UTRN: variants seen among roughly 807,000 people sequenced by gnomAD.
UTRN encodes dystrophin-related protein 1.
In UTRN, 283 loss-of-function variants were observed where a neutral mutation model predicts 463.9. That is an observed-to-expected ratio of 0.61 (90% CI 0.55 to 0.67). The LOEUF (loss-of-function observed/expected upper bound fraction) is 0.67. Among genes scored for constraint, UTRN ranks in the 30% least tolerant of loss-of-function variants. The pLI is 0.00. For missense variants in UTRN, 3,922 were observed against 4,084.3 expected (o/e 0.96, Z 1.08); for synonymous variants, 1,442 against 1,431.5 (o/e 1.01, Z -0.17).
At chr6:144,759,380 A>C (rs1373589802) in intron 58 of UTRN, among the ~76,000 whole-genome samples, 1 of 152,168 alleles carries the variant, frequency 6.6e-6, no homozygotes, top group African/African-American at 2.4e-5. Context: ...TAATAGTAAT[A>C]GTATTAGAGA....
chr6:144,421,697 A>T (rs943696893), intron 3 of UTRN, among the ~76,000 whole-genome samples, 181 bp from the exon 4 acceptor site: 2 of 150,076 alleles, frequency 1.3e-5, no homozygotes, highest in African/African-American at 5.0e-5. Flanking sequence ...TAAAAAAAAA[A>T]TTAATTAATT....
At chr6:144,755,995 A>C (rs2128725382) in intron 57 of UTRN, among the ~76,000 whole-genome samples, 1 of 151,370 alleles carries the variant, frequency 6.6e-6, no homozygotes, top group East Asian at 1.9e-4. Context: ...CCCTACCTCA[A>C]CTCCATACAG....
At chr6:144,529,730 A>G (rs747386793) in intron 41 of UTRN, among the ~76,000 whole-genome samples, 1 of 152,230 alleles carries the variant, frequency 6.6e-6, no homozygotes. Context: ...AGTAATTTTC[A>G]TGGAGAAAGA....
At chr6:144,691,809 C>T (rs1231910188) in intron 52 of UTRN, among the ~76,000 whole-genome samples, 2 of 151,956 alleles carry the variant, frequency 1.3e-5, no homozygotes, top group Admixed American at 1.3e-4. Context: ...TTGTGATTTG[C>T]AATGATTTTC....
intron 37 of UTRN, among the ~76,000 whole-genome samples, 173 bp from the exon 38 acceptor site, chr6:144,516,056 G>A (rs533637604): frequency 2.0e-5 from 3 of 152,346 alleles, no homozygotes; most frequent in Non-Finnish European, 4.4e-5. Context: ...ATTCAGAGAA[G>A]TCTGAATTGG....
intron 46 of UTRN, among the ~76,000 whole-genome samples, chr6:144,544,177 G>T (rs995611715): frequency 6.6e-6 from 1 of 152,142 alleles, no homozygotes; most frequent in African/African-American, 2.4e-5. Flanking sequence ...ATTCGTCCTT[G>T]GGATAGGCCT....
chr6:144,754,698 A>C, intron 56 of UTRN, 22 bp from the exon 57 acceptor site: 1 of 1,607,780 alleles, frequency 6.2e-7, no homozygotes, highest in Non-Finnish European at 8.5e-7. Context: ...ATTTCCTCTG[A>C]CTTGCATGTG....
chr6:144,348,534 A>G (rs1351914502), intron 2 of UTRN, among the ~76,000 whole-genome samples: 1 of 152,238 alleles, frequency 6.6e-6, no homozygotes, highest in Non-Finnish European at 1.5e-5. Flanking sequence ...TAATAATTAT[A>G]GAGAAAATGA....
chr6:144,442,185 CT>C (rs1488938368), intron 13 of UTRN, among the ~76,000 whole-genome samples: 1 of 152,182 alleles, frequency 6.6e-6, no homozygotes, highest in Admixed American at 6.5e-5. Flanking sequence ...ATTTTCTTTT[CT>C]ATTGCATTGT....
rs1562479502 is a variant in UTRN, at chr6:144,490,926, CAG to C, written c.4264_4265del. ...AATTGCATATTTTCATTTCTGCAAA[CAG>C]AGGAAACTCCGAGAGGTGTCCACAA... On this transcript the variant is annotated splice_acceptor_variant, in intron 31 of 74. Coordinates refer to ENST00000367545, the MANE Select transcript of UTRN (RefSeq NM_007124.3). LOFTEE classifies it high-confidence loss of function. 6.3e-7 allele frequency: 1 copy of C among 1,580,180 alleles called. No individual in the cohort carries two copies. The highest frequency in any genetic ancestry group is 1.2e-5 in the South Asian group (1 of 86,952).
At chr6:144,677,981 G>C (rs570860157) in intron 51 of UTRN, among the ~76,000 whole-genome samples, 1 of 152,002 alleles carries the variant, frequency 6.6e-6, no homozygotes, top group Non-Finnish European at 1.5e-5. Context: ...TAAGTTCCTC[G>C]TAGATTCTGG....
intron 74 of UTRN, among the ~76,000 whole-genome samples, chr6:144,849,068 C>G (rs541118511): frequency 6.6e-6 from 1 of 151,950 alleles, no homozygotes; most frequent in East Asian, 1.9e-4. Flanking sequence ...CAGGTAGATG[C>G]AGATATTGAT....
At chr6:144,438,600 C>T in intron 11 of UTRN, 145 bp from the exon 12 acceptor site, 1 of 1,011,708 alleles carries the variant, frequency 9.9e-7, no homozygotes, top group Non-Finnish European at 1.4e-6. Context: ...ACTTTCCTGG[C>T]TTCTATATTT....
At position 144,548,742 on chromosome 6, in the gene UTRN, A is replaced by C; in HGVS notation, c.6698A>C (p.Lys2233Thr). Residue 2233 changes from lysine to threonine, a missense_variant, in exon 47 of 75, where the codon AAA becomes ACA. Coordinates refer to ENST00000367545, the MANE Select transcript of UTRN (RefSeq NM_007124.3). ...ATTTCAATTCCTGCTGATCTTGATA[A>C]AACTATAACAGAACTAGCCGACTGG... is the stretch of plus-strand genomic sequence containing the variant. ...SEISIPADLDKTITELADWLV... is the reference protein window; with the variant it reads ...SEISIPADLDTTITELADWLV... 6.2e-7 allele frequency: 1 copy of C among 1,614,066 alleles called. No homozygotes were observed. The highest frequency in any genetic ancestry group is 8.5e-7 in the Non-Finnish European group (1 of 1,179,956).
intron 2 of UTRN, among the ~76,000 whole-genome samples, chr6:144,296,844 C>T (rs758578991): frequency 3.3e-5 from 5 of 152,196 alleles, no homozygotes; most frequent in Non-Finnish European, 5.9e-5. Context: ...AGGTTAGTAT[C>T]TCAGAGCCCT....
At chr6:144,294,528 T>G (rs1279507055) in intron 2 of UTRN, among the ~76,000 whole-genome samples, 1 of 152,094 alleles carries the variant, frequency 6.6e-6, no homozygotes, top group East Asian at 1.9e-4. Flanking sequence ...TGCTTTTCCA[T>G]TTTTTAAAAG....
At chr6:144,588,981 A>G (rs567997376) in intron 51 of UTRN, among the ~76,000 whole-genome samples, 1 of 152,300 alleles carries the variant, frequency 6.6e-6, no homozygotes, top group Non-Finnish European at 1.5e-5. Context: ...GTTGCTTTTC[A>G]TTTTTCATCT....
intron 41 of UTRN, among the ~76,000 whole-genome samples, chr6:144,530,794 G>A (rs1335232390): frequency 6.6e-6 from 1 of 152,004 alleles, no homozygotes; most frequent in Non-Finnish European, 1.5e-5. Context: ...GTGTGCATGT[G>A]TGTGTGTATG....
At chr6:144,365,130 T>A (rs1779403107) in intron 2 of UTRN, among the ~76,000 whole-genome samples, 1 of 152,184 alleles carries the variant, frequency 6.6e-6, no homozygotes, top group South Asian at 2.1e-4. Flanking sequence ...ATTGCGTAGC[T>A]CTTGATTTTC....
Sources: gnomAD v4.1 joint callset for allele counts (sites outside exome capture counted in the v4.1 genomes callset) on GRCh38, gnomAD v4.1.1 for gene constraint, MANE v1.5 for transcripts, NCBI Gene and HGNC (gene_info 2026-07-23, HGNC 2026-07-21) for gene names.